Variants in EFNB1 observed in about 807,000 individuals in gnomAD.
The protein encoded by EFNB1 is ephrin B1.
A neutral mutation model predicts 18.1 loss-of-function variants in EFNB1; 1 was observed. That is an observed-to-expected ratio of 0.06 (90% confidence interval 0.02 to 0.26). The LOEUF is 0.26. EFNB1 is among the 10% of genes least tolerant of loss of function. The pLI, the probability that EFNB1 is intolerant of heterozygous loss-of-function variation, is 1.00. For missense variants in EFNB1, 221 were observed against 301.8 expected (o/e 0.73, Z 1.98); for synonymous variants, 131 against 127.5 (o/e 1.03, Z -0.19).
rs1012656071 is a variant in EFNB1 at position 68,829,579 on chromosome X, G to T, written c.-198G>T. 6.3e-6 allele frequency: 4 copies of T among 637,711 alleles called. No homozygotes were observed. Among genetic ancestry groups the T allele is most frequent in the Non-Finnish European group, 9.4e-6 (4 of 424,601 alleles). The allele number at this position is 637,711 out of a possible 1,213,427, so 52.6% of individuals were successfully genotyped here. A position where few individuals can be genotyped will look rare whatever the true frequency, so the allele number is the denominator to read the frequency against. On this transcript the variant is annotated 5_prime_UTR_variant, in exon 1 of 5. Transcript: ENST00000204961. ...CGAAGCCCATGCCCGGGTTGGGGGC[G>T]GCTGCCCAGTGAGTCCTCCTGGCCG...
In EFNB1 at chrX:68,837,377, A is replaced by C. The variant is rs181124218; in HGVS notation, c.129-1240A>C. ...ATGTGCTGCCTTGTCTCCCCACCAC[A>C]ATATTGGAAGGTAGGGGCTCTTGCC... On this transcript the variant is annotated intron_variant, in intron 1 of 4. Coordinates refer to ENST00000204961, the MANE Select transcript of EFNB1 (RefSeq NM_004429.5). 3.1e-3 allele frequency among the ~76,000 whole-genome samples: 344 copies of C among 111,650 alleles called. 2 individuals are homozygous for C. The highest frequency in any genetic ancestry group is 0.011 in the African/African-American group (324 of 30,714).
Position 68,829,761 on chromosome X carries a change from G to C in EFNB1, c.-16G>C. 8.4e-7 allele frequency: 1 copy of C among 1,186,055 alleles called. No individual in the cohort carries two copies. Among genetic ancestry groups the C allele is most frequent in the East Asian group, 3.1e-5 (1 of 32,321 alleles). On this transcript the variant is annotated 5_prime_UTR_variant, in exon 1 of 5. Transcript: ENST00000204961. ...AGGCGCCAAGGGATCCCGAAGTGCA[G>C]TCTGCCCCCGGGAAGATGGCTCGGC...
chrX:68,839,595 T>A (rs1346413603), intron 2 of EFNB1, 69 bp from the exon 3 acceptor site: 8 of 1,054,830 alleles, frequency 7.6e-6, no homozygotes, highest in Non-Finnish European at 9.1e-6. Context: ...AGAATGGGAG[T>A]TTCTGGGTAA....
At chrX:68,835,256 C>T (rs780762551) in intron 1 of EFNB1, among the ~76,000 whole-genome samples, 2 of 111,137 alleles carry the variant, frequency 1.8e-5, no homozygotes, top group Admixed American at 1.9e-4. Context: ...CCATGGTGAC[C>T]TGCTTCAGGC....
intron 1 of EFNB1, among the ~76,000 whole-genome samples, chrX:68,837,858 T>C (rs1417950907): frequency 8.9e-6 from 1 of 112,531 alleles, no homozygotes; most frequent in Non-Finnish European, 1.9e-5. Context: ...ATGAATCAAG[T>C]TTAGGAATTC....
In EFNB1 at chrX:68,840,690, C is replaced by T. The variant is rs772415563; in HGVS notation, c.*36C>T. 15 of 1,177,924 alleles carry T rather than the reference C, an allele frequency of 1.3e-5. No homozygotes were observed. The Admixed American group carries it at 1.4e-4, about 11-fold the overall frequency. ...CGGCCTCAGGCCCCCGAGGGACAGT[C>T]GGCCTGGACCGGACCTCTCCTTTCG... On this transcript the variant is annotated 3_prime_UTR_variant, in exon 5 of 5. Transcript: ENST00000204961.
chrX:68,838,164 TGTGTGTGTGCGC>T (rs1156272083), intron 1 of EFNB1, among the ~76,000 whole-genome samples: 3 of 46,843 alleles, frequency 6.4e-5, no homozygotes, highest in African/African-American at 2.8e-4. Flanking sequence ...TGTGTGTGTG[TGTGTGTGTGCGC>T]GCGCGCGCGC....
intron 1 of EFNB1, among the ~76,000 whole-genome samples, chrX:68,837,213 C>T (rs899708950): frequency 1.8e-5 from 2 of 112,161 alleles, no homozygotes; most frequent in Admixed American, 9.4e-5. Context: ...GCCATATCTT[C>T]TCTTCCTGTT....
chrX:68,837,140 C>T (rs2080462669), intron 1 of EFNB1, among the ~76,000 whole-genome samples: 1 of 111,564 alleles, frequency 9.0e-6, no homozygotes, highest in Non-Finnish European at 1.9e-5. Flanking sequence ...TGTTGTCTAT[C>T]ACTCGAGTAT....
rs1019590407 is a variant in EFNB1, at chrX:68,838,665, G to A, written c.177G>A (p.Lys59=). Residue 59 remains lysine (K), a synonymous_variant, in exon 2 of 5, where the codon AAG becomes AAA. Coordinates refer to ENST00000204961, the MANE Select transcript of EFNB1 (RefSeq NM_004429.5). Reference sequence around the variant, plus strand: ...TGATCTATCCGAAAATTGGAGACAAGCTGGACATCATCTGCCCCCGAGCAG... The same window carrying A: ...TGATCTATCCGAAAATTGGAGACAAACTGGACATCATCTGCCCCCGAGCAG... ...GLVIYPKIGD[K]LDIICPRAEA... 8.3e-7 allele frequency: 1 copy of A among 1,211,943 alleles called. No homozygotes were observed. The highest frequency in any genetic ancestry group is 1.1e-6 in the Non-Finnish European group (1 of 895,570).
intron 1 of EFNB1, among the ~76,000 whole-genome samples, chrX:68,837,126 CTGGTGTTGTCTA>C (rs762119219): frequency 2.7e-5 from 3 of 111,476 alleles, no homozygotes; most frequent in Non-Finnish European, 5.6e-5. Context: ...TACAGATAGC[CTGGTGTTGTCTA>C]TCACTCGAGT....
chrX:68,829,866 G>T lies in EFNB1; in HGVS notation c.90G>T (p.Lys30Asn). ...ALCRLATPLA[K>N]NLEPVSWSSL... ...GCCGGCTCGCCACACCGCTGGCCAA[G>T]AACCTGGAGCCCGTATCCTGGAGCT... The change falls in exon 1 of 5, where the codon AAG becomes AAT. Residue 30 changes from lysine (K) to asparagine (N), a missense_variant. By Grantham distance (94) the Lys-to-Asn change is moderately conservative. Transcript: ENST00000204961. 2 of 1,171,726 alleles carry T rather than the reference G, an allele frequency of 1.7e-6. No homozygotes were observed. The highest frequency in any genetic ancestry group is 1.8e-5 in the African/African-American group (1 of 56,756).
Position 68,840,013 on chromosome X carries a change from G to T in EFNB1, c.553G>T (p.Ala185Ser). The change falls in exon 4 of 5, where the codon GCA (alanine) becomes TCA (serine). Residue 185 changes from alanine (A) to serine (S), a missense_variant. Transcript: ENST00000204961. The part of the protein sequence containing the change: ...QLTTSRPSKE[A>S]DNTVKMATQA... The stretch of plus-strand genomic sequence containing the variant: ...GACTACCAGCAGGCCCAGCAAGGAG[G>T]CAGACAACACTGTCAAGATGGCCAC... 8.3e-7 allele frequency: 1 copy of T among 1,212,094 alleles called. No homozygotes were observed. Among genetic ancestry groups the T allele is most frequent in the Non-Finnish European group, 1.1e-6 (1 of 895,530 alleles).
chrX:68,835,076 C>T (rs1271378449), intron 1 of EFNB1, among the ~76,000 whole-genome samples: 1 of 111,788 alleles, frequency 8.9e-6, no homozygotes, highest in Non-Finnish European at 1.9e-5. Context: ...GTGATGGCAT[C>T]GTGGTGCTTC....
At chrX:68,833,934 G>A (rs2080453804) in intron 1 of EFNB1, among the ~76,000 whole-genome samples, 1 of 112,678 alleles carries the variant, frequency 8.9e-6, no homozygotes, top group Non-Finnish European at 1.9e-5. Context: ...GACAAGGGAA[G>A]TGACTTGTCT....
intron 1 of EFNB1, among the ~76,000 whole-genome samples, chrX:68,832,475 G>T (rs2080448511): frequency 9.0e-6 from 1 of 110,897 alleles, no homozygotes; most frequent in South Asian, 3.8e-4. Flanking sequence ...TCCCAAAAAA[G>T]AAAATCTCCC....
rs935700347 is a variant in EFNB1, at chrX:68,829,472, G to A, written c.-305G>A. Reference sequence around the variant, plus strand: ...GCGTCTCGGGAAGTCGAGCGGAATCGGGCGGGATCACCCGGGGGCGCAGAG... The same window carrying A: ...GCGTCTCGGGAAGTCGAGCGGAATCAGGCGGGATCACCCGGGGGCGCAGAG... On this transcript the variant is annotated 5_prime_UTR_variant, in exon 1 of 5. Coordinates refer to ENST00000204961, the MANE Select transcript of EFNB1 (RefSeq NM_004429.5). 8 of 334,655 alleles carry A rather than the reference G, an allele frequency of 2.4e-5. No individual in the cohort carries two copies. Among genetic ancestry groups the A allele is most frequent in the South Asian group, 2.3e-4 (6 of 25,930 alleles). The allele number at this position is 334,655 out of a possible 1,213,427, so 27.6% of individuals were successfully genotyped here.
At chrX:68,837,336 G>A (rs2080463194) in intron 1 of EFNB1, among the ~76,000 whole-genome samples, 1 of 111,530 alleles carries the variant, frequency 9.0e-6, no homozygotes, top group Non-Finnish European at 1.9e-5. Flanking sequence ...CGCCTATTGT[G>A]TGCTAGGTGT....
At chrX:68,833,319 G>A (rs2080451945) in intron 1 of EFNB1, among the ~76,000 whole-genome samples, 1 of 111,697 alleles carries the variant, frequency 9.0e-6, no homozygotes, top group Non-Finnish European at 1.9e-5. Context: ...GAGAGTGATG[G>A]GAATCCAGCA....
Sources: allele counts gnomAD v4.1 joint callset (sites outside exome capture counted in the v4.1 genomes callset), GRCh38; gene constraint gnomAD v4.1.1; transcripts MANE v1.5; gene names NCBI Gene and HGNC (gene_info 2026-07-23, HGNC 2026-07-21).